UBE2G1: variants seen among roughly 807,000 people sequenced by gnomAD.
UBE2G1 encodes ubiquitin conjugating enzyme E2 G1, also known as ubiquitin-conjugating enzyme E2 G1.
In UBE2G1, 5 loss-of-function variants were observed where a neutral mutation model predicts 22.7. That is an observed-to-expected ratio of 0.22 (90% confidence interval 0.12 to 0.46). UBE2G1 has a LOEUF of 0.46. Ranked by LOEUF, UBE2G1 falls within the 20% of genes least tolerant of loss-of-function variation. The probability of loss-of-function intolerance (pLI) is 0.99; values close to 1 mark genes in which losing one functional copy is unlikely to be tolerated. For missense variants in UBE2G1, 88 were observed against 203.9 expected (o/e 0.43, Z 3.46); for synonymous variants, 74 against 67.5 (o/e 1.10, Z -0.47).
At chr17:4,345,953 A>T (rs1341578338) in intron 1 of UBE2G1, among the ~76,000 whole-genome samples, 1 of 152,250 alleles carries the variant, frequency 6.6e-6, no homozygotes, top group African/African-American at 2.4e-5. Context: ...TAATTTGGAT[A>T]CCAAGTGTTG....
At chr17:4,358,271 C>T (rs1969929350) in intron 1 of UBE2G1, among the ~76,000 whole-genome samples, 1 of 151,780 alleles carries the variant, frequency 6.6e-6, no homozygotes, top group Admixed American at 6.6e-5. Context: ...TGTCTTTTGC[C>T]CTTATTTTTT....
rs1442003302 is a variant in UBE2G1, at chr17:4,270,652, A to T, written c.*1902T>A. The T allele has an allele frequency of 3.5e-5, 1 of 28,462 alleles. No individual in the cohort carries two copies. The highest frequency in any genetic ancestry group is 1.5e-4 in the Non-Finnish European group (1 of 6,724). The allele number at this position is 28,462 out of a possible 1,614,324, so 1.8% of individuals were successfully genotyped here. The stretch of plus-strand genomic sequence containing the variant: ...CTATTTTTACAGTCTTTGGAAAAGG[A>T]AAAAAAAAACCAAGTCACAAAGTTC... On this transcript the variant is annotated 3_prime_UTR_variant, in exon 6 of 6. Coordinates refer to ENST00000396981, the MANE Select transcript of UBE2G1 (RefSeq NM_003342.5).
intron 1 of UBE2G1, among the ~76,000 whole-genome samples, chr17:4,345,402 TA>T (rs1435995499): frequency 6.6e-6 from 1 of 152,192 alleles, no homozygotes; most frequent in African/African-American, 2.4e-5. Flanking sequence ...TTTCATTCTA[TA>T]AAGAAAATGA....
chr17:4,349,842 CA>C (rs11410197), intron 1 of UBE2G1, among the ~76,000 whole-genome samples: 84 of 133,044 alleles, frequency 6.3e-4, no homozygotes, highest in East Asian at 4.1e-3. Context: ...GATTCCGTCT[CA>C]AAAAAAAAAA....
intron 1 of UBE2G1, among the ~76,000 whole-genome samples, chr17:4,355,582 C>T (rs1969896671): frequency 7.2e-6 from 1 of 139,296 alleles, no homozygotes; most frequent in African/African-American, 2.7e-5. Context: ...GCCGAGGTTG[C>T]GGTGGGCTGA....
At chr17:4,345,528 T>G (rs1308579836) in intron 1 of UBE2G1, 1 of 152,204 alleles carries the variant, frequency 6.6e-6, no homozygotes, top group East Asian at 1.9e-4. Flanking sequence ...ACTTTAAAAA[T>G]CACACATACA....
intron 2 of UBE2G1, 28 bp downstream of exon 2, chr17:4,306,993 T>C: frequency 1.3e-6 from 2 of 1,592,852 alleles, no homozygotes; most frequent in Non-Finnish European, 1.7e-6. Context: ...GAGCTCCATT[T>C]TGAAGATGTC....
chr17:4,282,961 A>C, intron 4 of UBE2G1, 40 bp from the exon 5 acceptor site: 1 of 1,469,952 alleles, frequency 6.8e-7, no homozygotes, highest in South Asian at 1.2e-5. Context: ...TTTCATGCAA[A>C]CTCCCCTTTA....
intron 1 of UBE2G1, among the ~76,000 whole-genome samples, chr17:4,313,480 T>C (rs1598190623): frequency 6.6e-6 from 1 of 152,204 alleles, no homozygotes; most frequent in Admixed American, 6.5e-5. Flanking sequence ...CTTTTCTGAA[T>C]GCTATCTAGA....
At chr17:4,286,001 T>C (rs948521282) in intron 4 of UBE2G1, among the ~76,000 whole-genome samples, 3 of 142,200 alleles carry the variant, frequency 2.1e-5, no homozygotes, top group African/African-American at 7.8e-5. Flanking sequence ...AGGAGAGAGG[T>C]GGCTAAGAAA....
chr17:4,289,752 T>C (rs573465282), intron 3 of UBE2G1, among the ~76,000 whole-genome samples: 63 of 152,344 alleles, frequency 4.1e-4, no homozygotes, highest in Non-Finnish European at 6.0e-4. Context: ...TGTTCTTCAT[T>C]TGCAGAAAGC....
At chr17:4,336,551 G>A (rs1403598564) in intron 1 of UBE2G1, among the ~76,000 whole-genome samples, 1 of 151,112 alleles carries the variant, frequency 6.6e-6, no homozygotes, top group Non-Finnish European at 1.5e-5. Context: ...TTTTTTTTGA[G>A]ACAGGGTCTT....
At chr17:4,302,977 C>T (rs549811606) in intron 2 of UBE2G1, among the ~76,000 whole-genome samples, 24 of 151,804 alleles carry the variant, frequency 1.6e-4, no homozygotes, top group Non-Finnish European at 2.2e-4. Flanking sequence ...CAGAAAAGAA[C>T]AGTGAAAACA....
chr17:4,279,540 AG>A (rs1170724830), intron 5 of UBE2G1, among the ~76,000 whole-genome samples: 2 of 152,208 alleles, frequency 1.3e-5, no homozygotes, highest in African/African-American at 4.8e-5. Context: ...TGGTTAAAAA[AG>A]AACAGGCTCT....
At chr17:4,279,049 T>G (rs1162302866) in intron 5 of UBE2G1, among the ~76,000 whole-genome samples, 2 of 151,974 alleles carry the variant, frequency 1.3e-5, no homozygotes, top group African/African-American at 2.4e-5. Flanking sequence ...CCAAGGCAGG[T>G]GGATCACTTG....
intron 2 of UBE2G1, among the ~76,000 whole-genome samples, chr17:4,300,553 A>G (rs1969165298): frequency 6.6e-6 from 1 of 152,066 alleles, no homozygotes; most frequent in Non-Finnish European, 1.5e-5. Context: ...CAAAAATAAT[A>G]ATAATAAATA....
chr17:4,270,709 TCCA>T lies in UBE2G1; in HGVS notation c.*1842_*1844del. The T allele has an allele frequency of 6.6e-6, 1 of 152,076 alleles. No homozygotes were observed. Among genetic ancestry groups the T allele is most frequent in the Non-Finnish European group, 1.5e-5 (1 of 68,008 alleles). The allele number at this position is 152,076 out of a possible 1,614,324, so 9.4% of individuals were successfully genotyped here. A position where few individuals can be genotyped will look rare whatever the true frequency, so the allele number is the denominator to read the frequency against. On this transcript the variant is annotated 3_prime_UTR_variant, in exon 6 of 6. Coordinates refer to ENST00000396981, the MANE Select transcript of UBE2G1 (RefSeq NM_003342.5). ...AAAACTGGGTTCTAATGAATCAATTTCCAGTCACAACACACTTACGAGTTTCTA... is the reference window on the plus strand; with the variant it reads ...AAAACTGGGTTCTAATGAATCAATTTGTCACAACACACTTACGAGTTTCTA...
In UBE2G1 at chr17:4,289,214, C is replaced by A. The variant is rs550607955; in HGVS notation, c.426+16G>T. 1.3e-6 allele frequency: 2 copies of A among 1,510,688 alleles called. No homozygotes were observed. Among genetic ancestry groups the A allele is most frequent in the Admixed American group, 2.3e-5 (1 of 44,024 alleles). 93.6% of individuals were successfully genotyped at this position (1,510,688 alleles called of 1,614,324 possible). Reference sequence around the variant, plus strand: ...AAGGGAAAGTGAAGGGAAGGGAAGACGTGTGACCACCTTACCGCAGCATCA... The same window carrying A: ...AAGGGAAAGTGAAGGGAAGGGAAGAAGTGTGACCACCTTACCGCAGCATCA... On this transcript the variant is annotated intron_variant, in intron 4 of 5. Transcript: ENST00000396981.
chr17:4,348,634 T>A (rs959337089), intron 1 of UBE2G1, among the ~76,000 whole-genome samples: 1 of 144,296 alleles, frequency 6.9e-6, no homozygotes, highest in East Asian at 2.1e-4. Context: ...GAGGCTGAAG[T>A]GGGTAGATCA....
Sources: gnomAD v4.1 joint callset for allele counts (sites outside exome capture counted in the v4.1 genomes callset) on GRCh38, gnomAD v4.1.1 for gene constraint, MANE v1.5 for transcripts, NCBI Gene and HGNC (gene_info 2026-07-23, HGNC 2026-07-21) for gene names.